ADGRB3: variants seen among roughly 807,000 people sequenced by gnomAD.
The protein encoded by ADGRB3 is brain-specific angiogenesis inhibitor 3.
A neutral mutation model predicts 193.4 loss-of-function variants in ADGRB3; 37 were observed. That is an observed-to-expected ratio of 0.19 (90% CI 0.15 to 0.25). The LOEUF is 0.25. Ranked by LOEUF, ADGRB3 falls within the 10% of genes least tolerant of loss-of-function variation. The pLI, the probability that ADGRB3 is intolerant of heterozygous loss-of-function variation, is 1.00. For synonymous variants in ADGRB3, 690 were observed against 644.2 expected (o/e 1.07, Z -1.08); for missense variants, 1,637 against 1,852.9 (o/e 0.88, Z 2.14).
intron 20 of ADGRB3, among the ~76,000 whole-genome samples, chr6:69,269,603 G>A (rs2127278358): frequency 6.6e-6 from 1 of 152,190 alleles, no homozygotes; most frequent in East Asian, 1.9e-4. Flanking sequence ...GGGAGTCAAT[G>A]CTAACACTAA....
At chr6:69,291,250 T>G (rs1767659898) in intron 20 of ADGRB3, among the ~76,000 whole-genome samples, 1 of 152,160 alleles carries the variant, frequency 6.6e-6, no homozygotes, top group Admixed American at 6.6e-5. Flanking sequence ...TTACTGTGAT[T>G]ATTATCATCA....
chr6:68,647,102 G>A (rs1199274651), intron 3 of ADGRB3, among the ~76,000 whole-genome samples: 1 of 152,128 alleles, frequency 6.6e-6, no homozygotes, highest in Non-Finnish European at 1.5e-5. Context: ...GAGTGTGGAA[G>A]GTGTAGTAGC....
intron 3 of ADGRB3, among the ~76,000 whole-genome samples, chr6:68,897,299 G>A (rs1766244275): frequency 6.6e-6 from 1 of 151,448 alleles, no homozygotes; most frequent in Admixed American, 6.6e-5. Flanking sequence ...ATTCAAGGCT[G>A]CAGTGAGCCA....
chr6:68,991,674 G>C (rs145517925), intron 10 of ADGRB3, among the ~76,000 whole-genome samples: 1 of 152,216 alleles, frequency 6.6e-6, no homozygotes, highest in Non-Finnish European at 1.5e-5. Context: ...AAATGGCGGG[G>C]AACGGGGAAG....
At chr6:69,341,147 G>T (rs1768965927) in intron 26 of ADGRB3, among the ~76,000 whole-genome samples, 1 of 152,122 alleles carries the variant, frequency 6.6e-6, no homozygotes, top group African/African-American at 2.4e-5. Context: ...GGGAATGCTG[G>T]GTCAAATGGT....
intron 17 of ADGRB3, among the ~76,000 whole-genome samples, chr6:69,135,816 A>C (rs1179619318): frequency 2.0e-5 from 3 of 152,134 alleles, no homozygotes; most frequent in African/African-American, 7.2e-5. Flanking sequence ...CAAGAAAAAA[A>C]TGCCAAGTGT....
chr6:68,821,752 T>C (rs1326555828), intron 3 of ADGRB3, among the ~76,000 whole-genome samples: 4 of 151,918 alleles, frequency 2.6e-5, no homozygotes, highest in Non-Finnish European at 1.5e-5. Flanking sequence ...CTATTTAAAC[T>C]TTTGTGGTAT....
intron 30 of ADGRB3, among the ~76,000 whole-genome samples, chr6:69,376,273 T>G (rs943427592): frequency 4.0e-4 from 60 of 151,720 alleles, no homozygotes; most frequent in Non-Finnish European, 1.5e-4. Flanking sequence ...TTTTGTTTTG[T>G]TTTTTGTATA....
At chr6:68,745,429 G>A (rs1766064892) in intron 3 of ADGRB3, among the ~76,000 whole-genome samples, 1 of 152,134 alleles carries the variant, frequency 6.6e-6, no homozygotes. Flanking sequence ...GGTTACCAGG[G>A]AATGGGGAAA....
intron 20 of ADGRB3, among the ~76,000 whole-genome samples, chr6:69,252,193 A>G (rs1766638549): frequency 6.6e-6 from 1 of 151,936 alleles, no homozygotes; most frequent in Non-Finnish European, 1.5e-5. Flanking sequence ...TGCTCAATAT[A>G]TTTTCTTTGA....
chr6:68,843,426 T>A (rs545236329), intron 3 of ADGRB3, among the ~76,000 whole-genome samples: 41 of 151,982 alleles, frequency 2.7e-4, no homozygotes, highest in African/African-American at 9.4e-4. Flanking sequence ...CCAGTTATAA[T>A]AGCTACAAAT....
intron 3 of ADGRB3, among the ~76,000 whole-genome samples, chr6:68,822,884 T>G (rs1767772824): frequency 6.6e-6 from 1 of 152,046 alleles, no homozygotes; most frequent in Non-Finnish European, 1.5e-5. Flanking sequence ...TTTGGAAGAA[T>G]ATTTTCCTTT....
At chr6:68,946,226 AT>A (rs371961840) in intron 6 of ADGRB3, among the ~76,000 whole-genome samples, 282 of 152,232 alleles carry the variant, frequency 1.9e-3, no homozygotes, top group African/African-American at 6.5e-3. Context: ...TGCCAAAAAA[AT>A]CGACGTTATG....
intron 17 of ADGRB3, among the ~76,000 whole-genome samples, chr6:69,180,650 T>C (rs1002859497): frequency 2.6e-5 from 4 of 152,166 alleles, no homozygotes; most frequent in African/African-American, 9.7e-5. Flanking sequence ...TGGCCGTAGC[T>C]GCAAGTCTTA....
intron 3 of ADGRB3, among the ~76,000 whole-genome samples, chr6:68,754,268 C>G (rs1435606106): frequency 2.0e-5 from 3 of 152,184 alleles, no homozygotes; most frequent in Admixed American, 6.6e-5. Flanking sequence ...TTGTTAGTCT[C>G]TGAACACTTT....
intron 3 of ADGRB3, among the ~76,000 whole-genome samples, chr6:68,846,440 C>G (rs943900378): frequency 2.6e-5 from 4 of 152,226 alleles, no homozygotes; most frequent in Non-Finnish European, 5.9e-5. Flanking sequence ...GCAGCCCTTC[C>G]ATCACAGGCC....
At chr6:69,219,487 A>ACC (rs1765845939) in intron 17 of ADGRB3, among the ~76,000 whole-genome samples, 1 of 140,524 alleles carries the variant, frequency 7.1e-6, no homozygotes, top group African/African-American at 2.6e-5. Flanking sequence ...ATATATATAT[A>ACC]TATATACGTG....
intron 3 of ADGRB3, among the ~76,000 whole-genome samples, chr6:68,798,273 T>A (rs1043241497): frequency 6.6e-6 from 1 of 152,368 alleles, no homozygotes; most frequent in South Asian, 2.1e-4. Context: ...ATAAGCCTTC[T>A]ATGTGCCAAG....
chr6:68,772,932 T>TATATATAC (rs1383379769), intron 3 of ADGRB3, among the ~76,000 whole-genome samples: 3 of 47,860 alleles, frequency 6.3e-5, no homozygotes, highest in African/African-American at 2.0e-4. Context: ...TATATATATA[T>TATATATAC]ACATACACAC....
Sources: gnomAD v4.1 joint callset for allele counts (sites outside exome capture counted in the v4.1 genomes callset) on GRCh38, gnomAD v4.1.1 for gene constraint, MANE v1.5 for transcripts, NCBI Gene and HGNC (gene_info 2026-07-23, HGNC 2026-07-21) for gene names.